The following NCKAP5 variants were observed in gnomAD, a reference collection of about 807,000 sequenced individuals.
NCKAP5 encodes the protein nck-associated protein 5.
NCKAP5 carries 92 observed loss-of-function variants against 167.0 expected under a neutral mutation model. That is an observed-to-expected ratio of 0.55 (90% CI 0.47 to 0.66). The LOEUF is 0.66. Among genes scored for constraint, NCKAP5 ranks in the 30% least tolerant of loss-of-function variants. NCKAP5 has a pLI of 0.00. For synonymous variants in NCKAP5, 891 were observed against 877.4 expected (o/e 1.02, Z -0.27); for missense variants, 2,378 against 2,315.0 (o/e 1.03, Z -0.56).
intron 5 of NCKAP5, among the ~76,000 whole-genome samples, chr2:133,173,146 T>C (rs1254406524): frequency 2.0e-5 from 3 of 152,128 alleles, no homozygotes; most frequent in African/African-American, 7.2e-5. Context: ...GCCTGTCTCC[T>C]CATTCCCACG....
intron 5 of NCKAP5, among the ~76,000 whole-genome samples, chr2:133,197,670 G>T (rs2085497569): frequency 6.6e-6 from 1 of 152,112 alleles, no homozygotes; most frequent in African/African-American, 2.4e-5. Context: ...AGAGCAAACA[G>T]CTGGGCATGA....
At chr2:133,508,768 T>C (rs1683239734) in intron 3 of NCKAP5, among the ~76,000 whole-genome samples, 1 of 152,212 alleles carries the variant, frequency 6.6e-6, no homozygotes, top group Non-Finnish European at 1.5e-5. Context: ...TGATTCCCAT[T>C]GTTGAAAGAT....
intron 2 of NCKAP5, among the ~76,000 whole-genome samples, chr2:133,519,626 G>A (rs1027917770): frequency 3.3e-5 from 5 of 152,168 alleles, no homozygotes; most frequent in African/African-American, 1.2e-4. Flanking sequence ...AAAGAGCATG[G>A]GAGTTTGATA....
intron 6 of NCKAP5, among the ~76,000 whole-genome samples, chr2:133,003,936 A>G (rs1481226631): frequency 6.6e-6 from 1 of 152,202 alleles, no homozygotes; most frequent in African/African-American, 2.4e-5. Flanking sequence ...GCACGGAGAG[A>G]GGCCGATTGG....
intron 11 of NCKAP5, among the ~76,000 whole-genome samples, chr2:132,835,722 T>C (rs1189402471): frequency 6.6e-6 from 1 of 152,158 alleles, no homozygotes; most frequent in East Asian, 1.9e-4. Flanking sequence ...TCCAAATCTT[T>C]TACTGCCAGT....
chr2:133,477,430 C>T (rs1025831688), intron 3 of NCKAP5, among the ~76,000 whole-genome samples: 4 of 152,162 alleles, frequency 2.6e-5, no homozygotes, highest in African/African-American at 7.2e-5. Flanking sequence ...GCTTTTGGTG[C>T]CCTGCCCATG....
At chr2:132,816,280 T>G (rs1686262405) in intron 11 of NCKAP5, among the ~76,000 whole-genome samples, 1 of 151,866 alleles carries the variant, frequency 6.6e-6, no homozygotes, top group South Asian at 2.1e-4. Flanking sequence ...GGCAGCAAGC[T>G]AAAAAAAGTG....
chr2:133,667,871 C>A, the NCKAP5 span, among the ~76,000 whole-genome samples: 7 of 151,928 alleles, frequency 4.6e-5, 1 homozygote, highest in Admixed American at 2.0e-4. Context: ...ACTATCAGCA[C>A]CACTATCTAA....
At chr2:133,026,412 C>A (rs1229104487) in intron 6 of NCKAP5, among the ~76,000 whole-genome samples, 1 of 150,294 alleles carries the variant, frequency 6.7e-6, no homozygotes, top group Admixed American at 6.6e-5. Flanking sequence ...AGTCAAGGAT[C>A]ATTGTGGATT....
At chr2:133,217,033 C>T (rs980482787) in intron 4 of NCKAP5, among the ~76,000 whole-genome samples, 2 of 152,010 alleles carry the variant, frequency 1.3e-5, no homozygotes, top group Non-Finnish European at 2.9e-5. Flanking sequence ...AGATTATTCA[C>T]CAACCGAAGA....
intron 2 of NCKAP5, among the ~76,000 whole-genome samples, chr2:133,522,323 C>T (rs1025952113): frequency 7.2e-5 from 11 of 152,120 alleles, no homozygotes; most frequent in African/African-American, 1.9e-4. Context: ...CATAAAAATT[C>T]CTTGCATTAA....
At chr2:132,764,450 T>C (rs891764871) in intron 16 of NCKAP5, among the ~76,000 whole-genome samples, 1 of 152,230 alleles carries the variant, frequency 6.6e-6, no homozygotes, top group Non-Finnish European at 1.5e-5. Flanking sequence ...TAGTTATAAG[T>C]GGGTGAACTC....
intron 6 of NCKAP5, among the ~76,000 whole-genome samples, chr2:133,115,467 A>C (rs2082041704): frequency 6.6e-6 from 1 of 152,144 alleles, no homozygotes; most frequent in Non-Finnish European, 1.5e-5. Context: ...TCACAATTGC[A>C]GTTAGATTTA....
intron 9 of NCKAP5, among the ~76,000 whole-genome samples, chr2:132,875,411 A>G (rs1239644510): frequency 6.6e-6 from 1 of 152,002 alleles, no homozygotes; most frequent in Non-Finnish European, 1.5e-5. Flanking sequence ...TGTGTTTCCA[A>G]AGTCCTCAGT....
the NCKAP5 span, among the ~76,000 whole-genome samples, chr2:133,667,434 G>T: frequency 6.6e-6 from 1 of 151,848 alleles, no homozygotes; most frequent in African/African-American, 2.4e-5. Context: ...ATTGGTTTGG[G>T]TCCTCCTCAG....
chr2:133,562,279 T>C (rs1575162016), intron 1 of NCKAP5, among the ~76,000 whole-genome samples: 1 of 152,232 alleles, frequency 6.6e-6, no homozygotes, highest in African/African-American at 2.4e-5. Context: ...TATGAGCATG[T>C]TAGAGCTATT....
intron 4 of NCKAP5, among the ~76,000 whole-genome samples, chr2:133,296,789 T>A (rs530662978): frequency 6.6e-6 from 1 of 152,282 alleles, no homozygotes; most frequent in South Asian, 2.1e-4. Flanking sequence ...CCCCAAAACC[T>A]CCAGTCCAGT....
At chr2:132,803,294 G>A (rs1284346154) in intron 11 of NCKAP5, among the ~76,000 whole-genome samples, 1 of 152,144 alleles carries the variant, frequency 6.6e-6, no homozygotes, top group African/African-American at 2.4e-5. Context: ...AGTCCTTGTT[G>A]CAATTATTAT....
the NCKAP5 span, among the ~76,000 whole-genome samples, chr2:133,617,654 G>C: frequency 6.7e-6 from 1 of 149,482 alleles, no homozygotes; most frequent in Non-Finnish European, 1.5e-5. Flanking sequence ...AAATAAAAGA[G>C]GATACAAACA....
Sources: gnomAD v4.1 joint callset for allele counts (sites outside exome capture counted in the v4.1 genomes callset) on GRCh38, gnomAD v4.1.1 for gene constraint, MANE v1.5 for transcripts, NCBI Gene and HGNC (gene_info 2026-07-23, HGNC 2026-07-21) for gene names.